SPINT2: variants seen among roughly 807,000 people sequenced by gnomAD.
SPINT2 encodes kunitz-type protease inhibitor 2.
SPINT2 carries 18 observed loss-of-function variants against 30.1 expected under a neutral mutation model. The ratio of observed to expected loss-of-function variants is 0.60; its 90% CI spans 0.41 to 0.89. The LOEUF is 0.89. Ranked by LOEUF, SPINT2 falls within the 40% of genes least tolerant of loss-of-function variation. SPINT2 has a pLI of 0.00. For synonymous variants in SPINT2, 139 were observed against 137.9 expected, an observed-to-expected ratio of 1.01 and a Z score of -0.05; for missense variants, 276 against 334.3, an observed-to-expected ratio of 0.83 and a Z score of 1.36.
Position 38,292,179 on chromosome 19 carries a change from T to C in SPINT2, c.*173T>C. ...GGATGGGTTTGCTTTGGAAATCCTC[T>C]AGGAGGCTCCTCCTCGCATGGCCTG... On this transcript the variant is annotated 3_prime_UTR_variant, in exon 7 of 7. Coordinates refer to ENST00000301244, the MANE Select transcript of SPINT2 (RefSeq NM_021102.4). 2 of 872,066 alleles carry C rather than the reference T, an allele frequency of 2.3e-6. No individual in the cohort carries two copies. Among genetic ancestry groups the C allele is most frequent in the Non-Finnish European group, 3.5e-6 (2 of 569,250 alleles). 54.0% of individuals were successfully genotyped at this position (872,066 alleles called of 1,614,324 possible). A position where few individuals can be genotyped will look rare whatever the true frequency, so the allele number is the denominator to read the frequency against.
Position 38,291,853 on chromosome 19 carries a change from G to C in SPINT2, c.606G>C (p.Ala202=). ...TCTCGTCCTCAGTGGTGGTTCTGGC[G>C]GGGCTGTTCGTGATGGTGTTGATCC... ...LPLGSKVVVL[A]GLFVMVLILF... The change falls in exon 7 of 7, where the codon GCG becomes GCC. Residue 202 remains alanine, a synonymous_variant. Coordinates refer to ENST00000301244, the MANE Select transcript of SPINT2 (RefSeq NM_021102.4). 6.2e-7 allele frequency: 1 copy of C among 1,612,636 alleles called. No homozygotes were observed. The highest frequency in any genetic ancestry group is 1.1e-5 in the South Asian group (1 of 90,982).
At chr19:38,267,650 G>GGA (rs1555715071) in intron 1 of SPINT2, among the ~76,000 whole-genome samples, 2 of 94,648 alleles carry the variant, frequency 2.1e-5, no homozygotes, top group Admixed American at 1.3e-4. Flanking sequence ...GAGAGGAAGC[G>GGA]GGGGGGCGAG....
At chr19:38,269,977 C>T (rs1384028687) in intron 1 of SPINT2, among the ~76,000 whole-genome samples, 1 of 151,380 alleles carries the variant, frequency 6.6e-6, no homozygotes, top group East Asian at 1.9e-4. Flanking sequence ...CTGCCCACCT[C>T]AGCCTCTCAA....
chr19:38,270,160 T>C (rs1279233990), intron 1 of SPINT2, among the ~76,000 whole-genome samples: 1 of 152,200 alleles, frequency 6.6e-6, no homozygotes, highest in Non-Finnish European at 1.5e-5. Flanking sequence ...CTTTCTTTAC[T>C]TTCCTCCTCA....
At chr19:38,275,840 G>C (rs144911421) in intron 1 of SPINT2, among the ~76,000 whole-genome samples, 189 of 151,554 alleles carry the variant, frequency 1.2e-3, no homozygotes, top group African/African-American at 4.3e-3. Flanking sequence ...CGATTCTCCT[G>C]CCTCAGCCTC....
chr19:38,287,810 T>C (rs1266585406), intron 2 of SPINT2, 66 bp from the exon 3 acceptor site: 16 of 1,556,266 alleles, frequency 1.0e-5, no homozygotes, highest in Non-Finnish European at 1.4e-5. Flanking sequence ...CAGGGCCAGC[T>C]CATTCTTTGT....
At chr19:38,268,733 CAGTGTGAGACAGAG>C (rs1466777388) in intron 1 of SPINT2, among the ~76,000 whole-genome samples, 1 of 149,882 alleles carries the variant, frequency 6.7e-6, no homozygotes, top group African/African-American at 2.4e-5. Context: ...TTGCACATTA[CAGTGTGAGACAGAG>C]AGAGAGCATG....
rs1968518441 is a variant in SPINT2 at position 38,276,414 on chromosome 19, G to A, written c.107-7213G>A. On this transcript the variant is annotated intron_variant, in intron 1 of 6. Coordinates refer to ENST00000301244, the MANE Select transcript of SPINT2 (RefSeq NM_021102.4). ...TCCCAGCACTTCGGGAGGCCGAGGCGGGTGGACTTACAAGGTCAGGAGATC... is the reference window on the plus strand; with the variant it reads ...TCCCAGCACTTCGGGAGGCCGAGGCAGGTGGACTTACAAGGTCAGGAGATC... Among the ~76,000 whole-genome samples, 3 of 152,034 alleles carry A rather than the reference G, an allele frequency of 2.0e-5. No individual in the cohort carries two copies. In the South Asian group the frequency reaches 6.2e-4, roughly 31 times the overall value.
chr19:38,290,473 C>A lies in SPINT2; in HGVS notation c.554-64C>A. ...CCATGGAGGCCCTGGCTGAGGGGAT[C>A]CCCTGCGGCAGCTCTGTGGAATGGG... On this transcript the variant is annotated intron_variant, in intron 5 of 6. Transcript: ENST00000301244. The surrounding 1 kb of genome is among the most constrained non-coding windows in gnomAD (Gnocchi z 4.3). The A allele has an allele frequency of 6.2e-7, 1 of 1,613,220 alleles. No individual in the cohort carries two copies. Among genetic ancestry groups the A allele is most frequent in the Non-Finnish European group, 8.5e-7 (1 of 1,179,554 alleles).
chr19:38,266,291 G>A (rs927799770), intron 1 of SPINT2, among the ~76,000 whole-genome samples: 3 of 152,044 alleles, frequency 2.0e-5, no homozygotes, highest in African/African-American at 7.2e-5. Flanking sequence ...AGGTGCTGGT[G>A]CTTGAACCCG....
Position 38,292,429 on chromosome 19 carries a change from G to T in SPINT2, c.*423G>T, listed in dbSNP as rs1968733733. The T allele has an allele frequency of 6.0e-6, 1 of 166,904 alleles. No individual in the cohort carries two copies. Among genetic ancestry groups the T allele is most frequent in the East Asian group, 1.7e-4 (1 of 6,004 alleles). The allele number at this position is 166,904 out of a possible 1,614,324, so 10.3% of individuals were successfully genotyped here. On this transcript the variant is annotated 3_prime_UTR_variant, in exon 7 of 7. Transcript: ENST00000301244. ...GTAAAATGTACAAGTTTAATAAAAAGGGGCCTTCCCCTTTAGAATAAATTT... is the reference window on the plus strand; with the variant it reads ...GTAAAATGTACAAGTTTAATAAAAATGGGCCTTCCCCTTTAGAATAAATTT...
chr19:38,291,602 A>G, intron 6 of SPINT2: 1 of 545,964 alleles, frequency 1.8e-6, no homozygotes, highest in South Asian at 2.4e-5. Flanking sequence ...TGCTGGCGAC[A>G]CGGCCACTCT....
intron 1 of SPINT2, among the ~76,000 whole-genome samples, chr19:38,276,837 G>A (rs1418427024): frequency 6.6e-6 from 1 of 151,930 alleles, no homozygotes; most frequent in African/African-American, 2.4e-5. Flanking sequence ...GTCTCGCTTT[G>A]TTGCCCAGGC....
chr19:38,277,136 G>T (rs766239598), intron 1 of SPINT2, among the ~76,000 whole-genome samples: 1 of 152,152 alleles, frequency 6.6e-6, no homozygotes, highest in Non-Finnish European at 1.5e-5. Context: ...GGTATTTTCT[G>T]TACTCATCAG....
rs1045207056 is a variant in SPINT2 at position 38,292,188 on chromosome 19, C to T, written c.*182C>T. 2.1e-5 allele frequency: 16 copies of T among 776,868 alleles called. No individual in the cohort carries two copies. The highest frequency in any genetic ancestry group is 2.9e-5 in the Non-Finnish European group (14 of 486,616). The allele number at this position is 776,868 out of a possible 1,614,324, so 48.1% of individuals were successfully genotyped here. Reference sequence around the variant, plus strand: ...TGCTTTGGAAATCCTCTAGGAGGCTCCTCCTCGCATGGCCTGCAGTCTGGC... The same window carrying T: ...TGCTTTGGAAATCCTCTAGGAGGCTTCTCCTCGCATGGCCTGCAGTCTGGC... On this transcript the variant is annotated 3_prime_UTR_variant, in exon 7 of 7. Coordinates refer to ENST00000301244, the MANE Select transcript of SPINT2 (RefSeq NM_021102.4).
chr19:38,272,093 T>C (rs1482318151), intron 1 of SPINT2, among the ~76,000 whole-genome samples: 1 of 151,608 alleles, frequency 6.6e-6, no homozygotes, highest in Non-Finnish European at 1.5e-5. Context: ...CCCAGCTATG[T>C]GGGAGGCTGA....
In SPINT2 at chr19:38,265,012, G is replaced by T. The variant is rs1968360820; in HGVS notation, c.106+14G>T. ...GCAGCATCCACGGTGAGGGCCGGGCGGGTAGGCTGGAGGCGGGGCGCAGGG... is the reference window on the plus strand; with the variant it reads ...GCAGCATCCACGGTGAGGGCCGGGCTGGTAGGCTGGAGGCGGGGCGCAGGG... On this transcript the variant is annotated intron_variant, in intron 1 of 6. Transcript: ENST00000301244. The T allele has an allele frequency of 6.5e-7, 1 of 1,528,514 alleles. No individual in the cohort carries two copies. The highest frequency in any genetic ancestry group is 8.8e-7 in the Non-Finnish European group (1 of 1,141,690). The allele number at this position is 1,528,514 out of a possible 1,614,324, so 94.7% of individuals were successfully genotyped here.
At chr19:38,289,855 CAT>C (rs567617199) in intron 4 of SPINT2, 978 of 534,362 alleles carry the variant, frequency 1.8e-3, no homozygotes, top group Non-Finnish European at 2.3e-3. Context: ...AGATAGGTCT[CAT>C]AGAGACTCAG....
chr19:38,278,851 CTGT>C (rs1272780385), intron 1 of SPINT2, among the ~76,000 whole-genome samples: 2 of 152,088 alleles, frequency 1.3e-5, no homozygotes, highest in African/African-American at 4.8e-5. Flanking sequence ...AGAAAATGCA[CTGT>C]TGTTATTTGT....
Sources: gnomAD v4.1 joint callset for allele counts (sites outside exome capture counted in the v4.1 genomes callset) on GRCh38, gnomAD v4.1.1 for gene constraint, Gnocchi (gnomAD v3.1) non-coding constraint, MANE v1.5 for transcripts, NCBI Gene and HGNC (gene_info 2026-07-23, HGNC 2026-07-21) for gene names.